CEP170: variants seen among roughly 807,000 people sequenced by gnomAD.
CEP170 encodes centrosomal protein of 170 kDa.
A neutral mutation model predicts 151.9 loss-of-function variants in CEP170; 21 were observed. The observed-to-expected ratio is 0.14, with a 90% CI of 0.10 to 0.20. The LOEUF (loss-of-function observed/expected upper bound fraction) is 0.20. Among genes scored for constraint, CEP170 ranks in the 10% least tolerant of loss-of-function variants. The probability of loss-of-function intolerance (pLI) is 1.00; values close to 1 mark genes in which losing one functional copy is unlikely to be tolerated. For synonymous variants in CEP170, 356 were observed against 648.8 expected (o/e 0.55, Z 6.86); for missense variants, 964 against 1,892.9 (o/e 0.51, Z 9.11).
chr1:243,154,080 T>A (rs1163391206), intron 14 of CEP170, among the ~76,000 whole-genome samples: 1 of 152,230 alleles, frequency 6.6e-6, no homozygotes, highest in East Asian at 1.9e-4. Context: ...CACTTCATAT[T>A]CTAAATGGAG....
At chr1:243,211,217 T>G (rs1186830090) in intron 4 of CEP170, 1 of 151,960 alleles carries the variant, frequency 6.6e-6, no homozygotes, top group Non-Finnish European at 1.5e-5. Context: ...GGAAATGTCT[T>G]TCTTCTTCTG....
chr1:243,240,573 C>T (rs12750097), intron 1 of CEP170, among the ~76,000 whole-genome samples: 1 of 151,392 alleles, frequency 6.6e-6, no homozygotes, highest in South Asian at 2.1e-4. Flanking sequence ...ATCAATATGT[C>T]TAGGCTTCAT....
intron 10 of CEP170, among the ~76,000 whole-genome samples, chr1:243,176,197 G>A (rs1482313029): frequency 2.0e-5 from 3 of 151,892 alleles, no homozygotes; most frequent in Non-Finnish European, 4.4e-5. Context: ...ACAAAATCTA[G>A]GTCTTTCATT....
chr1:243,216,656 C>G (rs549481681), intron 3 of CEP170, among the ~76,000 whole-genome samples: 3 of 152,020 alleles, frequency 2.0e-5, no homozygotes, highest in Admixed American at 1.3e-4. Context: ...CAAAAGAAAT[C>G]AGAAAAAGTT....
At chr1:243,195,453 C>T (rs1207609769) in intron 7 of CEP170, among the ~76,000 whole-genome samples, 1 of 151,690 alleles carries the variant, frequency 6.6e-6, no homozygotes, top group African/African-American at 2.4e-5. Context: ...TTGCTTAAAC[C>T]AGGGCTTTTT....
At chr1:243,160,346 T>C (rs2057965250) in intron 13 of CEP170, among the ~76,000 whole-genome samples, 1 of 152,112 alleles carries the variant, frequency 6.6e-6, no homozygotes, top group Non-Finnish European at 1.5e-5. Context: ...AGCATATATA[T>C]TAAAATGAAA....
At chr1:243,245,226 CAA>C (rs2065255089) in intron 1 of CEP170, among the ~76,000 whole-genome samples, 1 of 151,462 alleles carries the variant, frequency 6.6e-6, no homozygotes, top group Non-Finnish European at 1.5e-5. Flanking sequence ...AAAAAAATGT[CAA>C]GTGTTATTGA....
At chr1:243,227,136 C>T (rs1004535206) in intron 1 of CEP170, among the ~76,000 whole-genome samples, 10 of 152,170 alleles carry the variant, frequency 6.6e-5, no homozygotes, top group African/African-American at 2.2e-4. Context: ...AAACATCACA[C>T]TCGTTAATAT....
At chr1:243,251,917 A>C (rs1572706957) in intron 1 of CEP170, among the ~76,000 whole-genome samples, 1 of 152,282 alleles carries the variant, frequency 6.6e-6, no homozygotes, top group South Asian at 2.1e-4. Flanking sequence ...ATTTCTGCTA[A>C]ACTGGACAAT....
At chr1:243,144,746 G>A (rs1019839493) in intron 14 of CEP170, among the ~76,000 whole-genome samples, 2 of 152,064 alleles carry the variant, frequency 1.3e-5, no homozygotes, top group African/African-American at 2.4e-5. Flanking sequence ...AATTCTTAAC[G>A]TATATACAAC....
intron 14 of CEP170, among the ~76,000 whole-genome samples, chr1:243,153,015 A>G (rs1409506899): frequency 6.6e-6 from 1 of 152,216 alleles, no homozygotes; most frequent in Non-Finnish European, 1.5e-5. Flanking sequence ...AGGTAAAAAT[A>G]TCAAGATTAA....
chr1:243,243,767 C>T (rs1442724267), intron 1 of CEP170, among the ~76,000 whole-genome samples: 1 of 151,974 alleles, frequency 6.6e-6, no homozygotes, highest in East Asian at 1.9e-4. Context: ...ACCTTGTGAT[C>T]CGCCTACCTC....
chr1:243,197,209 A>G (rs1190258798), intron 7 of CEP170, among the ~76,000 whole-genome samples: 8 of 152,094 alleles, frequency 5.3e-5, no homozygotes, highest in Non-Finnish European at 1.0e-4. Context: ...CAACAGACCT[A>G]AGGATTAGAC....
intron 3 of CEP170, among the ~76,000 whole-genome samples, chr1:243,215,138 G>A (rs747126903): frequency 6.6e-6 from 1 of 152,114 alleles, no homozygotes; most frequent in African/African-American, 2.4e-5. Context: ...CAATACTCTT[G>A]TGATTTCCTA....
intron 7 of CEP170, among the ~76,000 whole-genome samples, chr1:243,197,053 G>C (rs1392417361): frequency 6.6e-6 from 1 of 152,004 alleles, no homozygotes. Context: ...AAATCTATTT[G>C]GCAGGCAAAA....
chr1:243,233,742 AT>A (rs60843596), intron 1 of CEP170, among the ~76,000 whole-genome samples: 44,298 of 127,622 alleles, frequency 0.35, 8,101 homozygotes, highest in South Asian at 0.49. Flanking sequence ...CAAAAAAAAA[AT>A]ATATATATAT....
chr1:243,150,291 C>T (rs1262781004), intron 14 of CEP170, among the ~76,000 whole-genome samples: 1 of 152,140 alleles, frequency 6.6e-6, no homozygotes, highest in East Asian at 1.9e-4. Context: ...GCTGGGATTA[C>T]AGGTGCATGC....
At chr1:243,135,276 G>A (rs1387578156) in intron 17 of CEP170, among the ~76,000 whole-genome samples, 2 of 151,948 alleles carry the variant, frequency 1.3e-5, no homozygotes, top group South Asian at 2.1e-4. Context: ...GTGCGATCTC[G>A]GCTCACTGGA....
intron 13 of CEP170, among the ~76,000 whole-genome samples, chr1:243,161,904 T>C (rs2058095549): frequency 1.3e-5 from 2 of 152,220 alleles, no homozygotes; most frequent in South Asian, 2.1e-4. Flanking sequence ...AGGCACCAAA[T>C]TAGCAAAATC....
Sources: allele counts gnomAD v4.1 joint callset (sites outside exome capture counted in the v4.1 genomes callset), GRCh38; gene constraint gnomAD v4.1.1; transcripts MANE v1.5; gene names NCBI Gene and HGNC (gene_info 2026-07-23, HGNC 2026-07-21).